Variants in GGA1 observed in about 807,000 individuals in gnomAD.
GGA1 encodes ADP-ribosylation factor-binding protein GGA1.
In GGA1, 18 loss-of-function variants were observed where a neutral mutation model predicts 76.9. That is an observed-to-expected ratio of 0.23 (90% confidence interval 0.16 to 0.35). The LOEUF is 0.35. Ranked by LOEUF, GGA1 falls within the 10% of genes least tolerant of loss-of-function variation. GGA1 has a pLI of 1.00. For missense variants in GGA1, 755 were observed against 859.0 expected, an observed-to-expected ratio of 0.88 and a Z score of 1.51; for synonymous variants, 342 against 354.7, an observed-to-expected ratio of 0.96 and a Z score of 0.40.
Position 37,608,889 on chromosome 22 carries a change from T to C in GGA1, c.29T>C (p.Leu10Pro). MEPAMEPET[L>P]EARINRATNP... Reference sequence around the variant, plus strand: ...GAGCCCGCGATGGAGCCGGAGACTCTGGAGGCGCGAATCAGTGAGTGTCCG... The same window carrying C: ...GAGCCCGCGATGGAGCCGGAGACTCCGGAGGCGCGAATCAGTGAGTGTCCG... Residue 10 changes from leucine to proline, a missense_variant, in exon 1 of 17, where the codon CTG becomes CCG. Physicochemically the swap from Leu to Pro is moderately conservative, Grantham distance 98. Coordinates refer to ENST00000343632, the MANE Select transcript of GGA1 (RefSeq NM_013365.5). The C allele has an allele frequency of 7.6e-7, 1 of 1,307,762 alleles. No individual in the cohort carries two copies. Among genetic ancestry groups the C allele is most frequent in the Non-Finnish European group, 9.7e-7 (1 of 1,029,094 alleles). The allele number at this position is 1,307,762 out of a possible 1,614,324, so 81.0% of individuals were successfully genotyped here.
At chr22:37,609,455 G>C in intron 1 of GGA1, 1 of 369,006 alleles carries the variant, frequency 2.7e-6, no homozygotes, top group African/African-American at 2.2e-5. Context: ...CACATAGTGA[G>C]AAACCCCCGC....
In GGA1 at chr22:37,617,776, T is replaced by C. The variant is rs1282789076; in HGVS notation, c.205-672T>C. The C allele has an allele frequency of 1.4e-5, 13 of 935,416 alleles. No individual in the cohort carries two copies. The Admixed American group carries it at 8.0e-4, about 58-fold the overall frequency. The allele number at this position is 935,416 out of a possible 1,614,324, so 57.9% of individuals were successfully genotyped here. On this transcript the variant is annotated intron_variant, in intron 3 of 16. Transcript: ENST00000343632. The stretch of plus-strand genomic sequence containing the variant: ...ATAACTAGTCCTATGATTTCATAGA[T>C]GTAGCTTAGGATAAGGCCAAGGTAG...
In GGA1 at chr22:37,632,788, G is replaced by T. The variant is rs1285650428; in HGVS notation, c.*77G>T. On this transcript the variant is annotated 3_prime_UTR_variant, in exon 17 of 17. Coordinates refer to ENST00000343632, the MANE Select transcript of GGA1 (RefSeq NM_013365.5). The surrounding 1 kb of genome is among the most constrained non-coding windows in gnomAD (Gnocchi z 5.1). The stretch of plus-strand genomic sequence containing the variant: ...CTGGAGGGAGGCATTGGTGGCCAAG[G>T]ACACCCTTTGTTGCCCATGGCCATT... The T allele has an allele frequency of 6.8e-6, 6 of 876,626 alleles. No individual in the cohort carries two copies. Among genetic ancestry groups the T allele is most frequent in the East Asian group, 2.6e-5 (1 of 37,848 alleles). The allele number at this position is 876,626 out of a possible 1,614,324, so 54.3% of individuals were successfully genotyped here.
chr22:37,615,016 GA>G (rs1408844627), intron 2 of GGA1, among the ~76,000 whole-genome samples: 1 of 152,164 alleles, frequency 6.6e-6, no homozygotes, highest in Admixed American at 6.5e-5. Flanking sequence ...ATGCTTGTCA[GA>G]AATGTACATT....
Position 37,625,524 on chromosome 22 carries a change from G to A in GGA1, c.941-273G>A, listed in dbSNP as rs1160129118. Among the ~76,000 whole-genome samples, 3 of 152,100 alleles carry A rather than the reference G, an allele frequency of 2.0e-5. No individual in the cohort carries two copies. Among genetic ancestry groups the A allele is most frequent in the African/African-American group, 7.2e-5 (3 of 41,402 alleles). The stretch of plus-strand genomic sequence containing the variant: ...GAAGTGGAGATGGAGGCGCTGCACG[G>A]AAGCAGCCAAGTTTCAGCAGGGCCT... On this transcript the variant is annotated intron_variant, in intron 10 of 16. Coordinates refer to ENST00000343632, the MANE Select transcript of GGA1 (RefSeq NM_013365.5). The surrounding 1 kb of genome is among the most constrained non-coding windows in gnomAD (Gnocchi z 4.1).
chr22:37,623,764 C>T lies in GGA1; in HGVS notation c.832+131C>T, dbSNP rs574347057. Reference sequence around the variant, plus strand: ...ACCAGGGGGCCCCCTTCTCCAGCACCGACCTTGGGTTTCTCCTCTCTGAGG... The same window carrying T: ...ACCAGGGGGCCCCCTTCTCCAGCACTGACCTTGGGTTTCTCCTCTCTGAGG... On this transcript the variant is annotated intron_variant, in intron 9 of 16. Coordinates refer to ENST00000343632, the MANE Select transcript of GGA1 (RefSeq NM_013365.5). The surrounding 1 kb of genome is among the most constrained non-coding windows in gnomAD (Gnocchi z 4.6). 508 of 658,112 alleles carry T rather than the reference C, an allele frequency of 7.7e-4. 1 individual carries two copies. In the African/African-American group the frequency reaches 8.1e-3, roughly 10 times the overall value. The allele number at this position is 658,112 out of a possible 1,614,324, so 40.8% of individuals were successfully genotyped here.
rs948690651 is a variant in GGA1 at position 37,629,893 on chromosome 22, T to C, written c.1159-105T>C. 8.8e-5 allele frequency: 74 copies of C among 839,486 alleles called. No homozygotes were observed. The African/African-American group carries it at 1.2e-3, about 14-fold the overall frequency. 52.0% of individuals were successfully genotyped at this position (839,486 alleles called of 1,614,324 possible). On this transcript the variant is annotated intron_variant, in intron 12 of 16. Transcript: ENST00000343632. ...GGGGTCCCCACCTCTGTGGCTGCTT[T>C]CCCAGATGTCATTTGCAAGGAGGAC...
intron 11 of GGA1, chr22:37,626,207 T>G (rs771577525): frequency 5.9e-5 from 21 of 355,510 alleles, no homozygotes; most frequent in Non-Finnish European, 9.6e-5. Context: ...ATTCAGGCTC[T>G]GGCAGCCTGG....
chr22:37,611,632 G>A (rs889594105), intron 1 of GGA1, among the ~76,000 whole-genome samples: 1 of 152,168 alleles, frequency 6.6e-6, no homozygotes, highest in South Asian at 2.1e-4. Context: ...ATAACATATG[G>A]CCCAGGGCAG....
intron 1 of GGA1, among the ~76,000 whole-genome samples, chr22:37,611,773 C>T (rs1927641255): frequency 6.6e-6 from 1 of 152,208 alleles, no homozygotes; most frequent in East Asian, 1.9e-4. Flanking sequence ...AAGGGGTGGT[C>T]CTTAGAGGTG....
At chr22:37,626,019 C>CA (rs1930758997) in intron 11 of GGA1, 70 bp downstream of exon 11, 1 of 1,312,698 alleles carries the variant, frequency 7.6e-7, no homozygotes, top group Non-Finnish European at 1.0e-6. Context: ...AGGGCCCACT[C>CA]ACAGCTAGCG....
At chr22:37,620,162 A>G (rs1929615557) in intron 4 of GGA1, 76 bp from the exon 5 acceptor site, 3 of 1,540,468 alleles carry the variant, frequency 1.9e-6, no homozygotes, top group Non-Finnish European at 2.7e-6. Context: ...GGGAGGCAGT[A>G]GGGTGTGGAC....
At chr22:37,630,608 C>G (rs1199890903) in intron 13 of GGA1, 1 of 480,112 alleles carries the variant, frequency 2.1e-6, no homozygotes, top group Non-Finnish European at 3.6e-6. Context: ...ACCCTGTCAC[C>G]CAGGCTGGAG....
chr22:37,618,375 T>TC, intron 3 of GGA1, 73 bp from the exon 4 acceptor site: 2 of 846,186 alleles, frequency 2.4e-6, no homozygotes, highest in Admixed American at 3.8e-5. Flanking sequence ...CTGGCCCCTG[T>TC]CCAAGGCGTG....
In GGA1 at chr22:37,620,202, G is replaced by A. The variant is rs760488284; in HGVS notation, c.304-36G>A. ...CTTGAGACTGAAGTGAGTGGGGCTG[G>A]GCAGTATCAAAGGCCTCCCCACTGT... is the stretch of plus-strand genomic sequence containing the variant. On this transcript the variant is annotated intron_variant, in intron 4 of 16. Transcript: ENST00000343632. The A allele has an allele frequency of 1.9e-6, 3 of 1,612,224 alleles. No individual in the cohort carries two copies. The South Asian group carries it at 3.3e-5, about 18-fold the overall frequency.
rs777116099 is a variant in GGA1, at chr22:37,623,520, G to T, written c.751-32G>T. On this transcript the variant is annotated intron_variant, in intron 8 of 16. Coordinates refer to ENST00000343632, the MANE Select transcript of GGA1 (RefSeq NM_013365.5). The surrounding 1 kb of genome is among the most constrained non-coding windows in gnomAD (Gnocchi z 4.6). ...TCCCTGCCCACTCCACAGCCCACGC[G>T]GACCCTGACCCGCCCATCCTGCTGC... The T allele has an allele frequency of 1.2e-6, 2 of 1,612,810 alleles. No homozygotes were observed. The highest frequency in any genetic ancestry group is 2.2e-5 in the South Asian group (2 of 91,048).
Position 37,632,318 on chromosome 22 carries a change from G to C in GGA1, c.1699-87G>C. 1 of 1,322,098 alleles carries C rather than the reference G, an allele frequency of 7.6e-7. No homozygotes were observed. Among genetic ancestry groups the C allele is most frequent in the African/African-American group, 1.4e-5 (1 of 69,276 alleles). The allele number at this position is 1,322,098 out of a possible 1,614,324, so 81.9% of individuals were successfully genotyped here. ...AGAAGGACTGAGCCCCAGGATCCCCGGAGGGGAGCTGGCAGGCTGGGCCTG... is the reference window on the plus strand; with the variant it reads ...AGAAGGACTGAGCCCCAGGATCCCCCGAGGGGAGCTGGCAGGCTGGGCCTG... On this transcript the variant is annotated intron_variant, in intron 15 of 16. Transcript: ENST00000343632. The surrounding 1 kb of genome is among the most constrained non-coding windows in gnomAD (Gnocchi z 5.1).
chr22:37,623,664 C>CCCCCCCTCTCCCTCCACCTCCTG lies in GGA1; in HGVS notation c.832+37_832+59dup. 1 of 1,378,586 alleles carries CCCCCCCTCTCCCTCCACCTCCTG rather than the reference C, an allele frequency of 7.3e-7. No individual in the cohort carries two copies. The highest frequency in any genetic ancestry group is 1.0e-6 in the Non-Finnish European group (1 of 989,992). The allele number at this position is 1,378,586 out of a possible 1,614,324, so 85.4% of individuals were successfully genotyped here. A position where few individuals can be genotyped will look rare whatever the true frequency, so the allele number is the denominator to read the frequency against. ...CCCAGGGCAGGTGCTGAGGTCAGGT[C>CCCCCCCTCTCCCTCCACCTCCTG]CCCCCCTCTCCCTCCACCTCCTGCC... On this transcript the variant is annotated intron_variant, in intron 9 of 16. Coordinates refer to ENST00000343632, the MANE Select transcript of GGA1 (RefSeq NM_013365.5). The surrounding 1 kb of genome is among the most constrained non-coding windows in gnomAD (Gnocchi z 4.6).
At chr22:37,628,210 G>C (rs1316044795) in intron 11 of GGA1, among the ~76,000 whole-genome samples, 4 of 152,168 alleles carry the variant, frequency 2.6e-5, no homozygotes, top group Admixed American at 1.3e-4. Context: ...TCCCATCTCA[G>C]CCTCCCAAGT....
Sources: gnomAD v4.1 joint callset for allele counts (sites outside exome capture counted in the v4.1 genomes callset) on GRCh38, gnomAD v4.1.1 for gene constraint, Gnocchi (gnomAD v3.1) non-coding constraint, MANE v1.5 for transcripts, NCBI Gene and HGNC (gene_info 2026-07-23, HGNC 2026-07-21) for gene names.